NR2C1: variants seen among roughly 807,000 people sequenced by gnomAD.
The protein encoded by NR2C1 is nuclear receptor subfamily 2 group C member 1.
NR2C1 carries 33 observed loss-of-function variants against 74.8 expected under a neutral mutation model. That is an observed-to-expected ratio of 0.44 (90% CI 0.33 to 0.59). NR2C1 has a LOEUF of 0.59. Ranked by LOEUF, NR2C1 falls within the 20% of genes least tolerant of loss-of-function variation. NR2C1 has a pLI of 0.02. For synonymous variants in NR2C1, 225 were observed against 240.6 expected, an observed-to-expected ratio of 0.94 and a Z score of 0.60; for missense variants, 568 against 715.6, an observed-to-expected ratio of 0.79 and a Z score of 2.35.
intron 9 of NR2C1, among the ~76,000 whole-genome samples, chr12:95,045,929 C>T (rs1175608051): frequency 1.3e-5 from 2 of 151,940 alleles, no homozygotes; most frequent in Non-Finnish European, 2.9e-5. Context: ...ACCTCCGCCT[C>T]CCCGGGTTCA....
chr12:95,051,271 T>C (rs1445572110), intron 8 of NR2C1, among the ~76,000 whole-genome samples: 4 of 152,140 alleles, frequency 2.6e-5, no homozygotes, highest in African/African-American at 9.7e-5. Flanking sequence ...AGCAGGTGTA[T>C]TACAGTTTAT....
At chr12:95,052,589 G>C (rs1056200582) in intron 7 of NR2C1, among the ~76,000 whole-genome samples, 2 of 152,010 alleles carry the variant, frequency 1.3e-5, no homozygotes, top group African/African-American at 4.8e-5. Context: ...CTGAGCAGCT[G>C]ATCCTACAGG....
chr12:95,069,701 CT>C (rs1283889699), intron 1 of NR2C1, among the ~76,000 whole-genome samples: 1 of 151,982 alleles, frequency 6.6e-6, no homozygotes, highest in African/African-American at 2.4e-5. Context: ...ACACACATTC[CT>C]TTTTTTCCCC....
rs371506668 is a variant in NR2C1 at position 95,025,167 on chromosome 12, A to G, written c.1620T>C (p.Tyr540=). ...VEFQDYITKT[Y]PDDTYRLSRL... ...CTAGATACCTGTAGGTGTCATCTGG[A>G]TATGTTTTGGTTATATAATCTTGGA... is the stretch of plus-strand genomic sequence containing the variant. Residue 540 remains tyrosine (Y), a synonymous_variant, in exon 13 of 14, where the codon TAT becomes TAC. Transcript: ENST00000333003. The G allele has an allele frequency of 2.3e-5, 36 of 1,551,526 alleles. No homozygotes were observed. The highest frequency in any genetic ancestry group is 2.8e-5 in the Non-Finnish European group (32 of 1,127,920).
intron 3 of NR2C1, among the ~76,000 whole-genome samples, chr12:95,062,177 C>A (rs1329030737): frequency 6.6e-6 from 1 of 152,212 alleles, no homozygotes; most frequent in Non-Finnish European, 1.5e-5. Context: ...CTCCAATAGT[C>A]GATCTTGAAA....
intron 11 of NR2C1, chr12:95,030,847 G>C (rs1182123565): frequency 6.2e-7 from 1 of 1,613,466 alleles, no homozygotes; most frequent in Non-Finnish European, 8.5e-7. Flanking sequence ...CTTGTGAAAT[G>C]AATGAGGGCT....
chr12:95,029,173 C>G (rs998578881), intron 11 of NR2C1, among the ~76,000 whole-genome samples: 1 of 152,198 alleles, frequency 6.6e-6, no homozygotes, highest in Non-Finnish European at 1.5e-5. Flanking sequence ...ACTCTGCCTC[C>G]TGGGTTCAAG....
chr12:95,030,420 A>G, intron 11 of NR2C1: 1 of 1,313,054 alleles, frequency 7.6e-7, no homozygotes. Flanking sequence ...AAAGTTTTAC[A>G]ATAAAGATTT....
intron 7 of NR2C1, among the ~76,000 whole-genome samples, chr12:95,055,178 T>G (rs1873658543): frequency 6.6e-6 from 1 of 152,242 alleles, no homozygotes; most frequent in Non-Finnish European, 1.5e-5. Flanking sequence ...AAAACTTTCA[T>G]CTTGTGACTT....
At chr12:95,067,836 G>A (rs1312402860) in intron 1 of NR2C1, among the ~76,000 whole-genome samples, 1 of 150,056 alleles carries the variant, frequency 6.7e-6, no homozygotes, top group African/African-American at 2.4e-5. Flanking sequence ...TGTTGGTATT[G>A]GAATTATCAG....
Position 95,048,173 on chromosome 12 carries a change from G to C in NR2C1, c.1131+895C>G, listed in dbSNP as rs563933619. Among the ~76,000 whole-genome samples, 3 of 152,114 alleles carry C rather than the reference G, an allele frequency of 2.0e-5. 1 individual carries two copies. Among genetic ancestry groups the C allele is most frequent in the African/African-American group, 7.2e-5 (3 of 41,500 alleles). On this transcript the variant is annotated intron_variant, in intron 9 of 13. Transcript: ENST00000333003. Reference sequence around the variant, plus strand: ...ACTCCTGGACTCATGCAATCCTCTGGCCTCAGCCTCCCAAAGTACTGCGAT... The same window carrying C: ...ACTCCTGGACTCATGCAATCCTCTGCCCTCAGCCTCCCAAAGTACTGCGAT...
chr12:95,063,413 A>G (rs557020777), intron 2 of NR2C1, among the ~76,000 whole-genome samples: 14 of 152,338 alleles, frequency 9.2e-5, no homozygotes, highest in African/African-American at 3.1e-4. Context: ...CAGGGATTAC[A>G]GTAGAATATG....
At chr12:95,022,907 T>C (rs1345940657) in intron 13 of NR2C1, among the ~76,000 whole-genome samples, 1 of 151,556 alleles carries the variant, frequency 6.6e-6, no homozygotes, top group Non-Finnish European at 1.5e-5. Flanking sequence ...CTCACTATAT[T>C]ACCCAGGCTG....
intron 1 of NR2C1, among the ~76,000 whole-genome samples, chr12:95,070,597 A>T (rs1399789368): frequency 6.6e-6 from 1 of 152,164 alleles, no homozygotes; most frequent in African/African-American, 2.4e-5. Flanking sequence ...TTGAATGCTT[A>T]CTAGGGGCCA....
chr12:95,038,844 T>C (rs1044993853), intron 10 of NR2C1, among the ~76,000 whole-genome samples: 17 of 152,178 alleles, frequency 1.1e-4, no homozygotes, highest in African/African-American at 3.6e-4. Flanking sequence ...TTTGATACTA[T>C]TGATCATTTC....
At chr12:95,053,702 T>TTTTTG (rs10699834) in intron 7 of NR2C1, among the ~76,000 whole-genome samples, 1 of 140,502 alleles carries the variant, frequency 7.1e-6, no homozygotes. Flanking sequence ...TTTTTTTTTT[T>TTTTTG]GAGACAGAGT....
intron 11 of NR2C1, 132 bp from the exon 12 acceptor site, chr12:95,028,656 C>CA: frequency 1.5e-6 from 1 of 649,704 alleles, no homozygotes; most frequent in South Asian, 1.8e-5. Context: ...CAGGGTTTTA[C>CA]TCCTGTCGCC....
At position 95,048,928 on chromosome 12, in the gene NR2C1, T is replaced by G; in HGVS notation, c.1131+140A>C. 5 of 790,290 alleles carry G rather than the reference T, an allele frequency of 6.3e-6. 1 individual carries two copies. In the South Asian group the frequency reaches 9.0e-5, roughly 14 times the overall value. The allele number at this position is 790,290 out of a possible 1,614,324, so 49.0% of individuals were successfully genotyped here. A position where few individuals can be genotyped will look rare whatever the true frequency, so the allele number is the denominator to read the frequency against. On this transcript the variant is annotated intron_variant, in intron 9 of 13. Coordinates refer to ENST00000333003, the MANE Select transcript of NR2C1 (RefSeq NM_003297.4). ...CATAAGCCACTGTGCCTGGCCCAGA[T>G]GAGTGTTTTAGCTGCTGTTCTGAAA...
At chr12:95,055,987 C>G (rs1002001248) in intron 7 of NR2C1, among the ~76,000 whole-genome samples, 4 of 148,568 alleles carry the variant, frequency 2.7e-5, no homozygotes, top group Non-Finnish European at 5.9e-5. Context: ...CAGATCCCAG[C>G]TAGGTAGGGA....
Sources: gnomAD v4.1 joint callset for allele counts (sites outside exome capture counted in the v4.1 genomes callset) on GRCh38, gnomAD v4.1.1 for gene constraint, MANE v1.5 for transcripts, NCBI Gene and HGNC (gene_info 2026-07-23, HGNC 2026-07-21) for gene names.